TMEM177: variants seen among roughly 807,000 people sequenced by gnomAD.
TMEM177 encodes the protein transmembrane protein 177.
TMEM177 carries 4 observed loss-of-function variants against 14.2 expected under a neutral mutation model. That is an observed-to-expected ratio of 0.28 (90% CI 0.14 to 0.64). The LOEUF (loss-of-function observed/expected upper bound fraction) is 0.64, where lower values mean the gene tolerates loss of function less well. Ranked by LOEUF, TMEM177 falls within the 30% of genes least tolerant of loss-of-function variation. The pLI, the probability that TMEM177 is intolerant of heterozygous loss-of-function variation, is 0.82. For missense variants in TMEM177, 344 were observed against 405.2 expected (o/e 0.85, Z 1.30); for synonymous variants, 179 against 174.5 (o/e 1.03, Z -0.20).
At chr2:119,714,109 G>A in the TMEM177 span, among the ~76,000 whole-genome samples, 1 of 152,246 alleles carries the variant, frequency 6.6e-6, no homozygotes, top group African/African-American at 2.4e-5. Flanking sequence ...CTTGGGCTGT[G>A]TATGAAGAGA....
At chr2:119,715,703 T>G in the TMEM177 span, among the ~76,000 whole-genome samples, 1 of 152,200 alleles carries the variant, frequency 6.6e-6, no homozygotes, top group South Asian at 2.1e-4. Context: ...CAGCGGAACT[T>G]CGGCTTCCCT....
At chr2:119,720,138 A>G in the TMEM177 span, among the ~76,000 whole-genome samples, 1 of 151,908 alleles carries the variant, frequency 6.6e-6, no homozygotes, top group African/African-American at 2.4e-5. Context: ...AAATATCCAA[A>G]ATTTTTAAAA....
At chr2:119,721,261 T>G in the TMEM177 span, among the ~76,000 whole-genome samples, 1 of 152,170 alleles carries the variant, frequency 6.6e-6, no homozygotes, top group South Asian at 2.1e-4. Flanking sequence ...CAATGTTCAG[T>G]CATGCCAATG....
chr2:119,691,557 C>A, the TMEM177 span, among the ~76,000 whole-genome samples: 1 of 152,144 alleles, frequency 6.6e-6, no homozygotes, highest in Admixed American at 6.5e-5. Flanking sequence ...ATGTTGCTGA[C>A]GCCCCTGCCA....
At chr2:119,699,797 A>G in the TMEM177 span, 8,382 of 314,058 alleles carry the variant, frequency 0.027, 140 homozygotes, top group Non-Finnish European at 0.032. Context: ...TGATGTTACA[A>G]TGGGGGAGTT....
the TMEM177 span, among the ~76,000 whole-genome samples, chr2:119,709,808 G>T: frequency 6.6e-6 from 1 of 152,094 alleles, no homozygotes; most frequent in African/African-American, 2.4e-5. Flanking sequence ...CTGGGCGACT[G>T]AGCAAGACTC....
downstream of TMEM177, chr2:119,685,620 G>C (rs770528023): frequency 1.4e-6 from 1 of 716,834 alleles, no homozygotes; most frequent in South Asian, 1.5e-5. Flanking sequence ...TCCCAATTGG[G>C]GCATGTGGTT....
At chr2:119,680,167 T>G (rs1688857495) in intron 1 of TMEM177, among the ~76,000 whole-genome samples, 1 of 152,174 alleles carries the variant, frequency 6.6e-6, no homozygotes, top group Non-Finnish European at 1.5e-5. Flanking sequence ...ATTATCTCCT[T>G]AAAGACCCTG....
chr2:119,699,478 GGTGA>G, the TMEM177 span, among the ~76,000 whole-genome samples: 1 of 152,154 alleles, frequency 6.6e-6, no homozygotes, highest in African/African-American at 2.4e-5. Flanking sequence ...CAATTTGAAT[GGTGA>G]GTAAGACAGG....
chr2:119,681,830 A>C lies in TMEM177; in HGVS notation c.*41A>C, dbSNP rs781754666. On this transcript the variant is annotated 3_prime_UTR_variant, in exon 2 of 2. Transcript: ENST00000272521. ...GACACTTCCAGCTTGTGCAGACACC[A>C]CCCTGCCATTGAGTCTGGAGGGCCC... is the stretch of plus-strand genomic sequence containing the variant. The C allele has an allele frequency of 7.1e-5, 111 of 1,571,218 alleles. No homozygotes were observed. The highest frequency in any genetic ancestry group is 1.7e-4 in the Middle Eastern group (1 of 5,770).
Position 119,679,264 on chromosome 2 carries a change from C to T in TMEM177, c.-35C>T, listed in dbSNP as rs1230539761. The T allele has an allele frequency of 6.6e-6, 1 of 152,386 alleles. No homozygotes were observed. The highest frequency in any genetic ancestry group is 1.9e-4 in the East Asian group (1 of 5,166). The allele number at this position is 152,386 out of a possible 1,614,324, so 9.4% of individuals were successfully genotyped here. A position where few individuals can be genotyped will look rare whatever the true frequency, so the allele number is the denominator to read the frequency against. On this transcript the variant is annotated 5_prime_UTR_variant, in exon 1 of 2. Transcript: ENST00000272521. The stretch of plus-strand genomic sequence containing the variant: ...CGAGCGGGAGGGACCCTTCTCCGGC[C>T]TGATGCGACCCGGTAACGCGTTCAG...
At chr2:119,694,623 A>G in the TMEM177 span, among the ~76,000 whole-genome samples, 2 of 152,202 alleles carry the variant, frequency 1.3e-5, no homozygotes, top group African/African-American at 2.4e-5. Context: ...GTGTGGCCAC[A>G]TGACTGCTCT....
At chr2:119,705,462 G>C in the TMEM177 span, among the ~76,000 whole-genome samples, 181 of 152,262 alleles carry the variant, frequency 1.2e-3, 1 homozygote, top group African/African-American at 3.9e-3. Flanking sequence ...TTGTAGGACT[G>C]AAGTCCCTAT....
the TMEM177 span, among the ~76,000 whole-genome samples, chr2:119,703,067 G>C: frequency 6.6e-6 from 1 of 152,236 alleles, no homozygotes; most frequent in Non-Finnish European, 1.5e-5. Flanking sequence ...CTCAGCAGGA[G>C]CCCCCGGGAG....
chr2:119,705,618 C>CTGTGTGTG, the TMEM177 span, among the ~76,000 whole-genome samples: 1 of 32,546 alleles, frequency 3.1e-5, no homozygotes, highest in African/African-American at 1.0e-4. Flanking sequence ...CCACTCAGAT[C>CTGTGTGTG]CGTGTGTGTG....
the TMEM177 span, among the ~76,000 whole-genome samples, chr2:119,706,035 A>AT: frequency 1.1e-3 from 102 of 91,906 alleles, 1 homozygote; most frequent in Middle Eastern, 6.7e-3. Flanking sequence ...ATATATATAT[A>AT]TTTTTTTGAG....
the TMEM177 span, among the ~76,000 whole-genome samples, chr2:119,716,173 C>G: frequency 6.6e-6 from 1 of 152,194 alleles, no homozygotes; most frequent in Admixed American, 6.5e-5. Context: ...GACTGTGGAG[C>G]CTCCTTAGCC....
In TMEM177 at chr2:119,681,221, T is replaced by G; in HGVS notation, c.368T>G (p.Val123Gly). The G allele has an allele frequency of 6.2e-7, 1 of 1,614,236 alleles. No individual in the cohort carries two copies. The highest frequency in any genetic ancestry group is 1.3e-5 in the African/African-American group (1 of 75,068). Reference protein sequence around the residue: ...DLVINTNHPVVIHGHTVDWRS... With the variant: ...DLVINTNHPVGIHGHTVDWRS... The stretch of plus-strand genomic sequence containing the variant: ...GTGATCAACACTAACCATCCCGTGG[T>G]CATACATGGGCATACAGTGGACTGG... The change falls in exon 2 of 2, where the codon GTC becomes GGC. Residue 123 changes from valine (V) to glycine (G), a missense_variant. Coordinates refer to ENST00000272521, the MANE Select transcript of TMEM177 (RefSeq NM_030577.3).
chr2:119,722,981 G>T, the TMEM177 span, among the ~76,000 whole-genome samples: 1 of 152,080 alleles, frequency 6.6e-6, no homozygotes, highest in Non-Finnish European at 1.5e-5. Flanking sequence ...CAATTAGTTG[G>T]CCTTCCTAGA....
Sources: gnomAD v4.1 joint callset for allele counts (sites outside exome capture counted in the v4.1 genomes callset) on GRCh38, gnomAD v4.1.1 for gene constraint, MANE v1.5 for transcripts, NCBI Gene and HGNC (gene_info 2026-07-23, HGNC 2026-07-21) for gene names.